MINDY4: variants seen among roughly 807,000 people sequenced by gnomAD.
MINDY4 encodes the protein MINDY lysine 48 deubiquitinase 4, also known as probable ubiquitin carboxyl-terminal hydrolase MINDY-4.
Under a neutral mutation model 87.0 loss-of-function variants are expected in MINDY4, and 68 were observed. The ratio of observed to expected loss-of-function variants is 0.78; its 90% CI spans 0.64 to 0.96. The LOEUF (loss-of-function observed/expected upper bound fraction) is 0.96. Ranked by LOEUF, MINDY4 falls within the 40% of genes least tolerant of loss-of-function variation. MINDY4 has a pLI of 0.00. For synonymous variants in MINDY4, 379 were observed against 363.2 expected (o/e 1.04, Z -0.50); for missense variants, 919 against 928.2 (o/e 0.99, Z 0.13).
chr7:30,805,279 G>C (rs553406536), intron 5 of MINDY4, among the ~76,000 whole-genome samples: 26 of 152,306 alleles, frequency 1.7e-4, no homozygotes, highest in Admixed American at 7.2e-4. Flanking sequence ...AGGAAGGGGA[G>C]GTTGGGCAGG....
intron 14 of MINDY4, among the ~76,000 whole-genome samples, chr7:30,875,142 C>G (rs1292600287): frequency 6.6e-6 from 1 of 152,206 alleles, no homozygotes; most frequent in Admixed American, 6.5e-5. Flanking sequence ...TGCAGACATG[C>G]ACCTGACTCC....
At chr7:30,817,901 G>C (rs1242593560) in intron 5 of MINDY4, among the ~76,000 whole-genome samples, 1 of 152,180 alleles carries the variant, frequency 6.6e-6, no homozygotes, top group African/African-American at 2.4e-5. Flanking sequence ...TGCCGAATTT[G>C]TATTCAGGAA....
chr7:30,856,157 G>A (rs1367840567), intron 12 of MINDY4, among the ~76,000 whole-genome samples: 1 of 152,154 alleles, frequency 6.6e-6, no homozygotes, highest in Non-Finnish European at 1.5e-5. Flanking sequence ...GGAGTGCAGA[G>A]TAGCACTGGA....
At chr7:30,797,336 G>T (rs1054269704) in intron 5 of MINDY4, among the ~76,000 whole-genome samples, 2 of 152,182 alleles carry the variant, frequency 1.3e-5, no homozygotes, top group Admixed American at 1.3e-4. Context: ...AGGATTACAA[G>T]TGCTAAGGGG....
At chr7:30,801,799 A>T (rs191836532) in intron 5 of MINDY4, among the ~76,000 whole-genome samples, 58 of 152,310 alleles carry the variant, frequency 3.8e-4, no homozygotes, top group African/African-American at 1.4e-3. Context: ...CCCTTGACTC[A>T]GATTTCCTTT....
In MINDY4 at chr7:30,828,716, G is replaced by A. The variant is rs1395693735; in HGVS notation, c.1111G>A (p.Glu371Lys). 1 of 1,613,564 alleles carries A rather than the reference G, an allele frequency of 6.2e-7. No individual in the cohort carries two copies. The highest frequency in any genetic ancestry group is 8.5e-7 in the Non-Finnish European group (1 of 1,180,030). ...QLLPSDKVDG[E>K]LGALRLEDVE... Reference sequence around the variant, plus strand: ...GCTGCCGTCTGACAAGGTGGATGGTGAGCTGGGTGCCCTGCGGCTCGGTAG... The same window carrying A: ...GCTGCCGTCTGACAAGGTGGATGGTAAGCTGGGTGCCCTGCGGCTCGGTAG... The change falls in exon 6 of 18, where the codon GAG (glutamate) becomes AAG (lysine). Residue 371 changes from glutamate to lysine, a missense_variant. Transcript: ENST00000265299.
chr7:30,822,247 G>C (rs894621174), intron 5 of MINDY4, among the ~76,000 whole-genome samples: 10 of 150,788 alleles, frequency 6.6e-5, no homozygotes, highest in African/African-American at 2.4e-4. Context: ...GTGTGATCTT[G>C]GCTCACTGTC....
intron 15 of MINDY4, among the ~76,000 whole-genome samples, chr7:30,877,738 C>G (rs1171308424): frequency 7.2e-6 from 1 of 138,240 alleles, no homozygotes; most frequent in Non-Finnish European, 1.5e-5. Flanking sequence ...CTGGAGTGAT[C>G]TCAGCTCACT....
At position 30,791,269 on chromosome 7, in the gene MINDY4, A is replaced by G. The variant is rs1489130833; in HGVS notation, c.768A>G (p.Gln256=). 6.2e-7 allele frequency: 1 copy of G among 1,614,078 alleles called. No individual in the cohort carries two copies. Among genetic ancestry groups the G allele is most frequent in the Non-Finnish European group, 8.5e-7 (1 of 1,180,004 alleles). Residue 256 remains glutamine, a synonymous_variant, in exon 5 of 18, where the codon CAA becomes CAG. Transcript: ENST00000265299. ...RKVPELFVCT[Q]QDILASSNSS... ...TCCCTGAGCTCTTTGTCTGCACCCA[A>G]CAGGACATTCTGGCTTCGAGCAACA...
chr7:30,825,860 A>C (rs989073679), intron 5 of MINDY4, among the ~76,000 whole-genome samples: 60 of 152,356 alleles, frequency 3.9e-4, no homozygotes, highest in Non-Finnish European at 5.9e-5. Flanking sequence ...AACAACATGA[A>C]TTTATTATCT....
At chr7:30,786,579 A>G (rs1419236303) in intron 4 of MINDY4, 1 of 151,146 alleles carries the variant, frequency 6.6e-6, no homozygotes, top group Non-Finnish European at 1.5e-5. Context: ...GTGAGCTGTG[A>G]TCATGTGACT....
chr7:30,794,571 C>T (rs1348433582), intron 5 of MINDY4, among the ~76,000 whole-genome samples: 1 of 152,180 alleles, frequency 6.6e-6, no homozygotes, highest in Non-Finnish European at 1.5e-5. Flanking sequence ...AGTATCTGTG[C>T]AGTCAGGCCC....
intron 12 of MINDY4, among the ~76,000 whole-genome samples, chr7:30,854,528 G>A (rs1312321524): frequency 1.4e-5 from 2 of 147,836 alleles, no homozygotes; most frequent in Non-Finnish European, 3.0e-5. Context: ...GAAGAACACA[G>A]ACCTTTCTCT....
chr7:30,827,820 AGATTAC>A (rs1788557424), intron 5 of MINDY4, among the ~76,000 whole-genome samples: 1 of 152,214 alleles, frequency 6.6e-6, no homozygotes, highest in Non-Finnish European at 1.5e-5. Flanking sequence ...CACCAGGGCA[AGATTAC>A]GATTGTTACT....
At chr7:30,812,626 G>T (rs777824088) in intron 5 of MINDY4, among the ~76,000 whole-genome samples, 2 of 152,162 alleles carry the variant, frequency 1.3e-5, no homozygotes, top group East Asian at 3.8e-4. Flanking sequence ...ATGGGCATCC[G>T]CAAGCTCTTG....
intron 6 of MINDY4, among the ~76,000 whole-genome samples, chr7:30,835,678 C>G (rs955960970): frequency 6.6e-6 from 1 of 152,192 alleles, no homozygotes; most frequent in Non-Finnish European, 1.5e-5. Flanking sequence ...TTTGATACCA[C>G]CCCCGCCCAC....
chr7:30,887,167 C>A (rs1790656657), intron 17 of MINDY4, among the ~76,000 whole-genome samples: 1 of 152,202 alleles, frequency 6.6e-6, no homozygotes, highest in Non-Finnish European at 1.5e-5. Context: ...TCCCGTTCAG[C>A]TTCCATGCTG....
intron 5 of MINDY4, among the ~76,000 whole-genome samples, chr7:30,814,462 G>A (rs1302928446): frequency 6.6e-6 from 1 of 152,122 alleles, no homozygotes; most frequent in African/African-American, 2.4e-5. Context: ...CGTCACCATG[G>A]ACCTGTGTGT....
chr7:30,890,364 C>CTA (rs1413861426), intron 17 of MINDY4, among the ~76,000 whole-genome samples: 2 of 152,242 alleles, frequency 1.3e-5, no homozygotes, highest in Non-Finnish European at 2.9e-5. Flanking sequence ...TATGCACGAT[C>CTA]TATCCTCACA....
Sources: allele counts gnomAD v4.1 joint callset (sites outside exome capture counted in the v4.1 genomes callset), GRCh38; gene constraint gnomAD v4.1.1; transcripts MANE v1.5; gene names NCBI Gene and HGNC (gene_info 2026-07-23, HGNC 2026-07-21).